TMEM59: variants seen among roughly 807,000 people sequenced by gnomAD.
TMEM59 encodes dendritic cell factor 1.
In TMEM59, 44 loss-of-function variants were observed where a neutral mutation model predicts 42.2. The observed-to-expected ratio is 1.04, with a 90% CI of 0.82 to 1.34. The LOEUF is 1.34. Ranked by LOEUF, TMEM59 falls within the 40% of genes most tolerant of loss-of-function variation. The probability of loss-of-function intolerance (pLI) is 0.00; values close to 1 mark genes in which losing one functional copy is unlikely to be tolerated. For synonymous variants in TMEM59, 148 were observed against 145.8 expected (o/e 1.02, Z -0.11); for missense variants, 359 against 382.8 (o/e 0.94, Z 0.52).
intron 5 of TMEM59, 42 bp from the exon 6 acceptor site, chr1:54,040,879 C>T (rs1395689059): frequency 6.6e-7 from 1 of 1,516,832 alleles, no homozygotes; most frequent in African/African-American, 1.4e-5. Context: ...TCCTATATTC[C>T]AAAAGCTAGT....
chr1:54,032,893 G>A (rs1209596966), intron 7 of TMEM59, among the ~76,000 whole-genome samples: 2 of 150,418 alleles, frequency 1.3e-5, no homozygotes, highest in African/African-American at 4.9e-5. Context: ...AGAGTAGGTA[G>A]ACTTAGATAT....
In TMEM59 at chr1:54,040,741, A is replaced by C; in HGVS notation, c.707+15T>G. On this transcript the variant is annotated intron_variant, in intron 6 of 7. Coordinates refer to ENST00000234831, the MANE Select transcript of TMEM59 (RefSeq NM_004872.5). ...GATTTTATCTGTTATACACATAATA[A>C]AGAGGAATACATACAGAGAGAGGCA... The C allele has an allele frequency of 1.3e-6, 2 of 1,595,046 alleles. No homozygotes were observed. The highest frequency in any genetic ancestry group is 1.7e-6 in the Non-Finnish European group (2 of 1,163,066).
chr1:54,050,503 T>C (rs931984419), intron 1 of TMEM59, among the ~76,000 whole-genome samples: 2 of 152,086 alleles, frequency 1.3e-5, no homozygotes, highest in Admixed American at 1.3e-4. Flanking sequence ...CACAGTGCTT[T>C]TTCCTGGAGC....
chr1:54,045,634 G>GCA, intron 3 of TMEM59, 58 bp downstream of exon 3: 1 of 1,509,608 alleles, frequency 6.6e-7, no homozygotes, highest in Non-Finnish European at 9.2e-7. Context: ...AACACTTCAA[G>GCA]CAATACAAGT....
At position 54,030,700 on chromosome 1, in the gene TMEM59, C is replaced by A. The variant is rs1430179184; in HGVS notation, c.*1450G>T. 1 of 152,192 alleles carries A rather than the reference C, an allele frequency of 6.6e-6. No homozygotes were observed. Among genetic ancestry groups the A allele is most frequent in the African/African-American group, 2.4e-5 (1 of 41,444 alleles). The allele number at this position is 152,192 out of a possible 1,614,324, so 9.4% of individuals were successfully genotyped here. A position where few individuals can be genotyped will look rare whatever the true frequency, so the allele number is the denominator to read the frequency against. On this transcript the variant is annotated 3_prime_UTR_variant, in exon 8 of 8. Coordinates refer to ENST00000234831, the MANE Select transcript of TMEM59 (RefSeq NM_004872.5). ...TTTCTTCCCCATCTGGATGTGTTCA[C>A]AACTTTCTATCATCCAAATCTAGAC... is the stretch of plus-strand genomic sequence containing the variant.
chr1:54,038,829 G>T (rs1657041057), intron 6 of TMEM59, among the ~76,000 whole-genome samples: 3 of 151,978 alleles, frequency 2.0e-5, no homozygotes, highest in African/African-American at 7.3e-5. Flanking sequence ...AGGGGAAAAA[G>T]CATTTAAAAA....
At chr1:54,049,707 C>T (rs996458440) in intron 1 of TMEM59, among the ~76,000 whole-genome samples, 2 of 152,038 alleles carry the variant, frequency 1.3e-5, no homozygotes, top group African/African-American at 2.4e-5. Flanking sequence ...GGCCAGGCAC[C>T]GTGGCTCATG....
chr1:54,053,233 C>T (rs762111650), upstream of TMEM59: 1 of 1,601,714 alleles, frequency 6.2e-7, no homozygotes, highest in Admixed American at 1.7e-5. Flanking sequence ...GCTGTTTTCT[C>T]GGAAGGGTTT....
chr1:54,048,433 T>TAATA (rs1406652363), intron 1 of TMEM59, among the ~76,000 whole-genome samples: 1 of 152,230 alleles, frequency 6.6e-6, no homozygotes, highest in East Asian at 1.9e-4. Context: ...AGAAGGTGCT[T>TAATA]AATAAATGGT....
At chr1:54,037,159 A>G (rs1656979003) in intron 6 of TMEM59, among the ~76,000 whole-genome samples, 1 of 152,222 alleles carries the variant, frequency 6.6e-6, no homozygotes, top group East Asian at 1.9e-4. Context: ...GTTTTATAAA[A>G]GAATTCACAC....
In TMEM59 at chr1:54,039,326, A is replaced by C. The variant is rs148215264; in HGVS notation, c.707+1430T>G. Reference sequence around the variant, plus strand: ...TATAATGACAAAATGTTAAAGGTCAATAAATCACCAATAATATGCCAGGTA... The same window carrying C: ...TATAATGACAAAATGTTAAAGGTCACTAAATCACCAATAATATGCCAGGTA... On this transcript the variant is annotated intron_variant, in intron 6 of 7. Coordinates refer to ENST00000234831, the MANE Select transcript of TMEM59 (RefSeq NM_004872.5). Among the ~76,000 whole-genome samples, 366 of 152,366 alleles carry C rather than the reference A, an allele frequency of 2.4e-3. 1 individual carries two copies. The highest frequency in any genetic ancestry group is 3.8e-3 in the Non-Finnish European group (256 of 68,038).
chr1:54,053,438 T>G (rs983686423), upstream of TMEM59: 6 of 522,114 alleles, frequency 1.1e-5, no homozygotes, highest in East Asian at 9.8e-5. Flanking sequence ...AAGCGGGGCC[T>G]CCTGACTTCT....
chr1:54,029,743 A>G lies in TMEM59; in HGVS notation c.*2407T>C, dbSNP rs1656706744. 1 of 152,218 alleles carries G rather than the reference A, an allele frequency of 6.6e-6. No individual in the cohort carries two copies. Among genetic ancestry groups the G allele is most frequent in the South Asian group, 2.1e-4 (1 of 4,830 alleles). The allele number at this position is 152,218 out of a possible 1,614,324, so 9.4% of individuals were successfully genotyped here. ...ATTACCACAAGGAGTCAGAAAATCA[A>G]CACTACAATCCAGCTTCCCAAACAG... On this transcript the variant is annotated 3_prime_UTR_variant, in exon 8 of 8. Coordinates refer to ENST00000234831, the MANE Select transcript of TMEM59 (RefSeq NM_004872.5).
rs879735783 is a variant in TMEM59, at chr1:54,029,946, G to C, written c.*2204C>G. ...TAAAAAAGAGGAGACAAATATTTGA[G>C]TGCCTGCTAAATATCAAGAATGTCT... On this transcript the variant is annotated 3_prime_UTR_variant, in exon 8 of 8. Transcript: ENST00000234831. The C allele has an allele frequency of 1.3e-5, 2 of 152,284 alleles. No homozygotes were observed. Among genetic ancestry groups the C allele is most frequent in the Admixed American group, 1.3e-4 (2 of 15,282 alleles). 9.4% of individuals were successfully genotyped at this position (152,284 alleles called of 1,614,324 possible). A position where few individuals can be genotyped will look rare whatever the true frequency, so the allele number is the denominator to read the frequency against.
chr1:54,026,723 A>G lies in TMEM59; in HGVS notation c.*5427T>C, dbSNP rs747384528. 6.6e-6 allele frequency: 1 copy of G among 152,250 alleles called. No homozygotes were observed. The highest frequency in any genetic ancestry group is 1.5e-5 in the Non-Finnish European group (1 of 68,038). 9.4% of individuals were successfully genotyped at this position (152,250 alleles called of 1,614,324 possible). A position where few individuals can be genotyped will look rare whatever the true frequency, so the allele number is the denominator to read the frequency against. Reference sequence around the variant, plus strand: ...TGATCCAAGTTTTATTAAAGTTTACATACTTAAGCATAAATAAATTAACAG... The same window carrying G: ...TGATCCAAGTTTTATTAAAGTTTACGTACTTAAGCATAAATAAATTAACAG... On this transcript the variant is annotated 3_prime_UTR_variant, in exon 8 of 8. Transcript: ENST00000234831.
intron 1 of TMEM59, among the ~76,000 whole-genome samples, 186 bp downstream of exon 1, chr1:54,052,814 A>C (rs1657599800): frequency 6.6e-6 from 1 of 152,134 alleles, no homozygotes; most frequent in South Asian, 2.1e-4. Flanking sequence ...TGCAGGACAA[A>C]CTTCCGGTAA....
chr1:54,027,265 A>G lies in TMEM59; in HGVS notation c.*4885T>C, dbSNP rs1044837860. On this transcript the variant is annotated 3_prime_UTR_variant, in exon 8 of 8. Transcript: ENST00000234831. ...TGCAGTCTTATTTTGTGTTAACAGA[A>G]TATGTATGTTACTGGATCATAAAAC... is the stretch of plus-strand genomic sequence containing the variant. 6.6e-6 allele frequency: 1 copy of G among 152,224 alleles called. No individual in the cohort carries two copies. The highest frequency in any genetic ancestry group is 2.4e-5 in the African/African-American group (1 of 41,456). The allele number at this position is 152,224 out of a possible 1,614,324, so 9.4% of individuals were successfully genotyped here. A position where few individuals can be genotyped will look rare whatever the true frequency, so the allele number is the denominator to read the frequency against.
intron 6 of TMEM59, among the ~76,000 whole-genome samples, chr1:54,039,957 T>C (rs1054046456): frequency 6.6e-6 from 1 of 152,102 alleles, no homozygotes; most frequent in African/African-American, 2.4e-5. Context: ...GGAGGGCATA[T>C]GGTACCCCTA....
At chr1:54,052,853 T>G in intron 1 of TMEM59, 147 bp downstream of exon 1, 3 of 868,270 alleles carry the variant, frequency 3.5e-6, no homozygotes, top group Non-Finnish European at 5.3e-6. Context: ...GCAGGCAGGA[T>G]TAGGGAGGAA....
Sources: gnomAD v4.1 joint callset for allele counts (sites outside exome capture counted in the v4.1 genomes callset) on GRCh38, gnomAD v4.1.1 for gene constraint, MANE v1.5 for transcripts, NCBI Gene and HGNC (gene_info 2026-07-23, HGNC 2026-07-21) for gene names.